RYR2: variants seen among roughly 807,000 people sequenced by gnomAD.
RYR2 encodes the protein ryanodine receptor 2, also known as cardiac muscle ryanodine receptor-calcium release channel.
In RYR2, 227 loss-of-function variants were observed where a neutral mutation model predicts 601.1. That is an observed-to-expected ratio of 0.38 (90% CI 0.34 to 0.42). The LOEUF (loss-of-function observed/expected upper bound fraction) is 0.42, where lower values mean the gene tolerates loss of function less well. Ranked by LOEUF, RYR2 falls within the 10% of genes least tolerant of loss-of-function variation. RYR2 has a pLI of 1.00. For missense variants in RYR2, 4,646 were observed against 6,156.5 expected (o/e 0.75, Z 8.21); for synonymous variants, 2,223 against 2,175.1 (o/e 1.02, Z -0.61).
chr1:237,095,058 G>C (rs948419035), intron 1 of RYR2, among the ~76,000 whole-genome samples: 1 of 152,152 alleles, frequency 6.6e-6, no homozygotes, highest in Non-Finnish European at 1.5e-5. Context: ...GGCTCAGAGA[G>C]GTTAAGTAAT....
intron 17 of RYR2, among the ~76,000 whole-genome samples, chr1:237,481,765 A>G (rs1662118139): frequency 6.6e-6 from 1 of 150,384 alleles, no homozygotes; most frequent in African/African-American, 2.5e-5. Flanking sequence ...GCTTTTACAC[A>G]TAACTCAGAT....
In RYR2 at chr1:237,383,417, G is replaced by GTTTTTT. The variant is rs10567644; in HGVS notation, c.577-3839_577-3834dup. On this transcript the variant is annotated intron_variant, in intron 8 of 104. Transcript: ENST00000366574. ...TTTACATTTTCTTTTCTTTTTTCTT[G>GTTTTTT]TTTTTTTTTTTTTTTTTTTTTTTTT... Among the ~76,000 whole-genome samples the GTTTTTT allele has an allele frequency of 1.2e-3, 61 of 50,590 alleles. 3 individuals carry two copies. The highest frequency in any genetic ancestry group is 0.031 in the Middle Eastern group (1 of 32). 33.2% of individuals were successfully genotyped at this position (50,590 alleles called of 152,430 possible).
intron 1 of RYR2, among the ~76,000 whole-genome samples, chr1:237,262,387 C>T (rs1329637346): frequency 6.6e-6 from 1 of 151,170 alleles, no homozygotes; most frequent in Non-Finnish European, 1.5e-5. Flanking sequence ...TCCTGAGTAG[C>T]TGGGATTACA....
intron 80 of RYR2, among the ~76,000 whole-genome samples, chr1:237,743,380 A>T (rs1299875345): frequency 1.3e-5 from 2 of 152,192 alleles, no homozygotes; most frequent in Non-Finnish European, 2.9e-5. Flanking sequence ...GAAAAATGCC[A>T]TAAGATTAAT....
chr1:237,674,324 C>T, intron 59 of RYR2, 105 bp downstream of exon 59: 1 of 888,318 alleles, frequency 1.1e-6, no homozygotes, highest in Non-Finnish European at 1.8e-6. Flanking sequence ...TCTGTTTACA[C>T]TTTTGAGGTA....
At chr1:237,782,974 C>T (rs974625474) in intron 89 of RYR2, among the ~76,000 whole-genome samples, 8 of 152,170 alleles carry the variant, frequency 5.3e-5, no homozygotes, top group Non-Finnish European at 1.2e-4. Context: ...CCTTTCTTCT[C>T]CTGCCTGTCT....
chr1:237,190,804 C>T (rs755394450), intron 1 of RYR2, among the ~76,000 whole-genome samples: 3 of 152,202 alleles, frequency 2.0e-5, no homozygotes, highest in Non-Finnish European at 4.4e-5. Flanking sequence ...GGAACCAGTC[C>T]TCTGAAGATG....
chr1:237,401,413 G>T (rs956676134), intron 10 of RYR2, among the ~76,000 whole-genome samples: 1 of 150,242 alleles, frequency 6.7e-6, no homozygotes, highest in Non-Finnish European at 1.5e-5. Flanking sequence ...ACATTTAGAG[G>T]TTCCCATAAT....
intron 21 of RYR2, among the ~76,000 whole-genome samples, chr1:237,501,981 A>AGTTTT (rs755461905): frequency 1.2e-4 from 18 of 152,112 alleles, no homozygotes; most frequent in Admixed American, 2.6e-4. Flanking sequence ...TCTCTGCAAA[A>AGTTTT]GTTTTGTTTT....
In RYR2 at chr1:237,541,453, T is replaced by TAA. The variant is rs541401963; in HGVS notation, c.2907-6974_2907-6973dup. Among the ~76,000 whole-genome samples, 29 of 152,344 alleles carry TAA rather than the reference T, an allele frequency of 1.9e-4. No individual in the cohort carries two copies. In the South Asian group the frequency reaches 5.8e-3, roughly 30 times the overall value. On this transcript the variant is annotated intron_variant, in intron 25 of 104. Coordinates refer to ENST00000366574, the MANE Select transcript of RYR2 (RefSeq NM_001035.3). ...AACGTCTTTAAAATTGTGCTCTATT[T>TAA]AAAAACGTGCTTCCTCCTATCCCCC...
In RYR2 at chr1:237,833,281, G is replaced by GA. The variant is rs377407067; in HGVS notation, c.*646dup. 51,089 of 111,542 alleles carry GA rather than the reference G, an allele frequency of 0.46. 11,172 individuals are homozygous for GA. Among genetic ancestry groups the GA allele is most frequent in the Middle Eastern group, 0.67 (140 of 210 alleles). The allele number at this position is 111,542 out of a possible 1,614,324, so 6.9% of individuals were successfully genotyped here. A position where few individuals can be genotyped will look rare whatever the true frequency, so the allele number is the denominator to read the frequency against. On this transcript the variant is annotated 3_prime_UTR_variant, in exon 105 of 105. Transcript: ENST00000366574. ...AAGAAAAGCAGTTTGCACTTAAAAAGAAAAAAAAAAAACGGGTGGTGTGTC... is the reference window on the plus strand; with the variant it reads ...AAGAAAAGCAGTTTGCACTTAAAAAGAAAAAAAAAAAAACGGGTGGTGTGTC...
intron 29 of RYR2, among the ~76,000 whole-genome samples, chr1:237,588,219 C>T (rs912374638): frequency 6.6e-6 from 1 of 152,068 alleles, no homozygotes; most frequent in African/African-American, 2.4e-5. Context: ...GTTGGTGGCA[C>T]TGTTATACAG....
intron 87 of RYR2, among the ~76,000 whole-genome samples, chr1:237,775,581 T>C (rs1212230897): frequency 1.3e-5 from 2 of 152,138 alleles, no homozygotes; most frequent in East Asian, 3.9e-4. Flanking sequence ...CTACTAACTA[T>C]AGAAAGTTAT....
chr1:237,633,245 G>GA (rs1300965792), intron 42 of RYR2, among the ~76,000 whole-genome samples: 1 of 152,190 alleles, frequency 6.6e-6, no homozygotes, highest in Non-Finnish European at 1.5e-5. Flanking sequence ...CAGAATCAAA[G>GA]AGATTGCATC....
intron 10 of RYR2, among the ~76,000 whole-genome samples, chr1:237,405,299 A>G (rs1202520325): frequency 6.6e-6 from 1 of 152,226 alleles, no homozygotes; most frequent in African/African-American, 2.4e-5. Flanking sequence ...TCCTGGAGTC[A>G]AAGCATAAGA....
At chr1:237,408,627 C>T (rs746983673) in intron 10 of RYR2, among the ~76,000 whole-genome samples, 6 of 152,150 alleles carry the variant, frequency 3.9e-5, no homozygotes, top group African/African-American at 9.6e-5. Context: ...CTCCCAACTT[C>T]GTTCTTCTCC....
At chr1:237,162,337 A>G (rs1676103875) in intron 1 of RYR2, among the ~76,000 whole-genome samples, 1 of 152,088 alleles carries the variant, frequency 6.6e-6, no homozygotes, top group South Asian at 2.1e-4. Context: ...TAAGTCATCA[A>G]CAAATCTTTA....
intron 103 of RYR2, among the ~76,000 whole-genome samples, 171 bp downstream of exon 103, chr1:237,830,801 C>T: frequency 6.6e-6 from 1 of 152,182 alleles, no homozygotes; most frequent in East Asian, 1.9e-4. Context: ...AGTAGGTTGA[C>T]TTAAGAGGTT....
chr1:237,234,822 A>G (rs931355458), intron 1 of RYR2, among the ~76,000 whole-genome samples: 2 of 152,032 alleles, frequency 1.3e-5, no homozygotes, highest in African/African-American at 4.8e-5. Context: ...ATTTCAGTAA[A>G]TGTAGGGGAT....
Sources: gnomAD v4.1 joint callset for allele counts (sites outside exome capture counted in the v4.1 genomes callset) on GRCh38, gnomAD v4.1.1 for gene constraint, MANE v1.5 for transcripts, NCBI Gene and HGNC (gene_info 2026-07-23, HGNC 2026-07-21) for gene names.